NECAP2: variants seen among roughly 807,000 people sequenced by gnomAD.
NECAP2 encodes the protein NECAP endocytosis associated 2, also known as adaptin ear-binding coat-associated protein 2.
In NECAP2, 38 loss-of-function variants were observed where a neutral mutation model predicts 37.8. That is an observed-to-expected ratio of 1.01 (90% CI 0.78 to 1.32). NECAP2 has a LOEUF of 1.32. Ranked by LOEUF, NECAP2 falls within the 40% of genes most tolerant of loss-of-function variation. The pLI is 0.00. For missense variants in NECAP2, 316 were observed against 334.5 expected (o/e 0.94, Z 0.43); for synonymous variants, 121 against 127.7 (o/e 0.95, Z 0.35).
chr1:16,458,058 C>T (rs1570278093), intron 7 of NECAP2, among the ~76,000 whole-genome samples: 1 of 152,140 alleles, frequency 6.6e-6, no homozygotes, highest in Non-Finnish European at 1.5e-5. Context: ...TCCTAGAAAA[C>T]GCAGCATTCT....
chr1:16,446,246 G>A (rs1264485377), intron 2 of NECAP2, among the ~76,000 whole-genome samples: 1 of 152,132 alleles, frequency 6.6e-6, no homozygotes, highest in Non-Finnish European at 1.5e-5. Flanking sequence ...TAAACCACAG[G>A]ATTCAGTAGA....
intron 6 of NECAP2, 29 bp downstream of exon 6, chr1:16,452,044 C>T: frequency 2.0e-6 from 3 of 1,526,666 alleles, no homozygotes; most frequent in Non-Finnish European, 1.8e-6. Context: ...ACTGCTGCAT[C>T]AGTACCTGCC....
At chr1:16,450,348 A>G (rs1437931595) in intron 5 of NECAP2, 6 of 328,302 alleles carry the variant, frequency 1.8e-5, no homozygotes, top group Non-Finnish European at 3.6e-5. Flanking sequence ...CCTCCATGAG[A>G]TGAGGAAATG....
intron 1 of NECAP2, among the ~76,000 whole-genome samples, chr1:16,442,824 A>AG (rs1214846004): frequency 6.6e-6 from 1 of 152,044 alleles, no homozygotes; most frequent in African/African-American, 2.4e-5. Flanking sequence ...CAGGAGGCTG[A>AG]GGTGGGAGGA....
Position 16,459,900 on chromosome 1 carries a change from G to T in NECAP2, c.*1010G>T, listed in dbSNP as rs1417033555. ...GGAGCTCAGTAAACTAGAAGTCCAG[G>T]GTTGCTTGGTTTACTGGTTTATAAG... On this transcript the variant is annotated 3_prime_UTR_variant, in exon 8 of 8. Transcript: ENST00000337132. 1 of 152,120 alleles carries T rather than the reference G, an allele frequency of 6.6e-6. No individual in the cohort carries two copies. Among genetic ancestry groups the T allele is most frequent in the Non-Finnish European group, 1.5e-5 (1 of 68,024 alleles). 9.4% of individuals were successfully genotyped at this position (152,120 alleles called of 1,614,324 possible).
In NECAP2 at chr1:16,458,997, A is replaced by G. The variant is rs762213358; in HGVS notation, c.*107A>G. The G allele has an allele frequency of 9.4e-6, 15 of 1,595,220 alleles. No homozygotes were observed. The South Asian group carries it at 1.7e-4, about 18-fold the overall frequency. Reference sequence around the variant, plus strand: ...CAGCTGGCCTGTGTTTGGGGCATGAATCTCTCCTCTCCTCCTTGTCTGGCT... The same window carrying G: ...CAGCTGGCCTGTGTTTGGGGCATGAGTCTCTCCTCTCCTCCTTGTCTGGCT... On this transcript the variant is annotated 3_prime_UTR_variant, in exon 8 of 8. Transcript: ENST00000337132.
chr1:16,447,679 C>G (rs562382762), intron 2 of NECAP2, among the ~76,000 whole-genome samples, 191 bp from the exon 3 acceptor site: 1 of 152,270 alleles, frequency 6.6e-6, no homozygotes, highest in South Asian at 2.1e-4. Flanking sequence ...TGACTTAAGC[C>G]TTTCCTTGAT....
chr1:16,441,990 T>C (rs2086696422), intron 1 of NECAP2, among the ~76,000 whole-genome samples: 1 of 151,776 alleles, frequency 6.6e-6, no homozygotes. Flanking sequence ...TTTTTTTTTT[T>C]TTTTTGAGAC....
intron 7 of NECAP2, among the ~76,000 whole-genome samples, chr1:16,456,600 G>C (rs909088464): frequency 6.6e-6 from 1 of 152,166 alleles, no homozygotes; most frequent in Admixed American, 6.5e-5. Flanking sequence ...AACGCCTGAG[G>C]CTAGGTGGCT....
intron 1 of NECAP2, 42 bp from the exon 2 acceptor site, chr1:16,443,590 C>T: frequency 6.8e-7 from 1 of 1,471,846 alleles, no homozygotes; most frequent in Non-Finnish European, 9.4e-7. Flanking sequence ...GGTCACACAG[C>T]AGGAGCCTCT....
At chr1:16,447,842 C>A in intron 2 of NECAP2, 28 bp from the exon 3 acceptor site, 1 of 1,590,378 alleles carries the variant, frequency 6.3e-7, no homozygotes, top group East Asian at 2.2e-5. Flanking sequence ...GCTCAGGGCT[C>A]AGCGCTCAGC....
At chr1:16,453,884 C>T (rs999242716) in intron 6 of NECAP2, among the ~76,000 whole-genome samples, 2 of 152,160 alleles carry the variant, frequency 1.3e-5, no homozygotes, top group Non-Finnish European at 2.9e-5. Context: ...CATCCAGTTT[C>T]AGCTCTCAAG....
At chr1:16,454,128 C>T (rs190998055) in intron 6 of NECAP2, among the ~76,000 whole-genome samples, 5 of 152,114 alleles carry the variant, frequency 3.3e-5, no homozygotes, top group East Asian at 3.9e-4. Flanking sequence ...GGCGCAATCT[C>T]GGCTTACCAC....
At chr1:16,458,132 T>C (rs1338243392) in intron 7 of NECAP2, among the ~76,000 whole-genome samples, 1 of 152,200 alleles carries the variant, frequency 6.6e-6, no homozygotes, top group Non-Finnish European at 1.5e-5. Flanking sequence ...AGGAGTCTGA[T>C]TTTTCCAAAA....
intron 4 of NECAP2, among the ~76,000 whole-genome samples, 190 bp from the exon 5 acceptor site, chr1:16,448,903 C>G (rs780663815): frequency 6.6e-6 from 1 of 152,148 alleles, no homozygotes; most frequent in African/African-American, 2.4e-5. Flanking sequence ...AACCAATGTG[C>G]ATGCCGCTAC....
intron 6 of NECAP2, among the ~76,000 whole-genome samples, chr1:16,452,929 C>T (rs1398694276): frequency 2.6e-5 from 4 of 152,050 alleles, no homozygotes; most frequent in African/African-American, 4.8e-5. Context: ...CATTGGCTGC[C>T]CTATCTGGAG....
chr1:16,441,121 TA>T, intron 1 of NECAP2: 1 of 493,518 alleles, frequency 2.0e-6, no homozygotes, highest in Non-Finnish European at 3.7e-6. Flanking sequence ...CCGGGTACCC[TA>T]AACTTGGTCG....
At chr1:16,445,559 A>C (rs2086748101) in intron 2 of NECAP2, among the ~76,000 whole-genome samples, 1 of 152,198 alleles carries the variant, frequency 6.6e-6, no homozygotes. Flanking sequence ...ATTGACAAGA[A>C]ACCACAGACT....
chr1:16,457,283 C>T (rs1017606373), intron 7 of NECAP2, among the ~76,000 whole-genome samples: 7 of 152,064 alleles, frequency 4.6e-5, no homozygotes, highest in Non-Finnish European at 7.4e-5. Context: ...TGGTCAAACC[C>T]CATCTCTACT....
Sources: gnomAD v4.1 joint callset for allele counts (sites outside exome capture counted in the v4.1 genomes callset) on GRCh38, gnomAD v4.1.1 for gene constraint, MANE v1.5 for transcripts, NCBI Gene and HGNC (gene_info 2026-07-23, HGNC 2026-07-21) for gene names.